DAB2: variants seen among roughly 807,000 people sequenced by gnomAD.
The protein encoded by DAB2 is disabled homolog 2.
A neutral mutation model predicts 71.6 loss-of-function variants in DAB2; 28 were observed. The observed-to-expected ratio is 0.39, with a 90% CI of 0.29 to 0.54. The LOEUF (loss-of-function observed/expected upper bound fraction) is 0.54, where lower values mean the gene tolerates loss of function less well. Ranked by LOEUF, DAB2 falls within the 20% of genes least tolerant of loss-of-function variation. The pLI, the probability that DAB2 is intolerant of heterozygous loss-of-function variation, is 0.68. For synonymous variants in DAB2, 345 were observed against 339.7 expected (o/e 1.02, Z -0.17); for missense variants, 867 against 928.8 (o/e 0.93, Z 0.86).
chr5:39,397,355 C>T (rs941749348), intron 1 of DAB2, among the ~76,000 whole-genome samples: 6 of 152,164 alleles, frequency 3.9e-5, no homozygotes. Flanking sequence ...CACCATGAGA[C>T]CCCCTCCTGC....
chr5:39,413,210 G>A (rs527307139), intron 1 of DAB2, among the ~76,000 whole-genome samples: 1 of 152,038 alleles, frequency 6.6e-6, no homozygotes, highest in African/African-American at 2.4e-5. Context: ...AACATTGCCG[G>A]TTTCTTTCAA....
At chr5:39,402,561 C>T (rs1010157128) in intron 1 of DAB2, among the ~76,000 whole-genome samples, 1 of 152,154 alleles carries the variant, frequency 6.6e-6, no homozygotes, top group African/African-American at 2.4e-5. Context: ...AGATTACAGG[C>T]ATCAGCCACC....
intron 11 of DAB2, among the ~76,000 whole-genome samples, chr5:39,378,836 C>A (rs190805961): frequency 6.6e-6 from 1 of 152,292 alleles, no homozygotes; most frequent in Non-Finnish European, 1.5e-5. Flanking sequence ...TTTTCAAATG[C>A]TATGTTAATT....
rs972589385 is a variant in DAB2 at position 39,382,960 on chromosome 5, A to G, written c.999T>C (p.Asn333=). Residue 333 remains asparagine (N), a synonymous_variant, in exon 10 of 15, where the codon AAT becomes AAC. Transcript: ENST00000320816. ...NSSSSSTPLS[N]GPLNGDVDYF... Reference sequence around the variant, plus strand: ...AGTCAACATCACCATTCAGGGGCCCATTACTCAGCGGAGTAGACGAGCTAC... The same window carrying G: ...AGTCAACATCACCATTCAGGGGCCCGTTACTCAGCGGAGTAGACGAGCTAC... The G allele has an allele frequency of 1.2e-6, 2 of 1,614,028 alleles. No individual in the cohort carries two copies. The highest frequency in any genetic ancestry group is 2.7e-5 in the African/African-American group (2 of 74,922).
chr5:39,389,106 T>A lies in DAB2; in HGVS notation c.561A>T (p.Lys187Asn), dbSNP rs770149394. Reference protein sequence around the residue: ...EEKKKIEEASKAVENGSEALM... With the variant: ...EEKKKIEEASNAVENGSEALM... ...AAAGATGCAATTTTACCTCAACTGC[T>A]TTGCTGGCTTCCTCTATCTAAAAAG... The change falls in exon 7 of 15, where the codon AAA becomes AAT. Residue 187 changes from lysine to asparagine, a missense_variant. Around this residue, in one of 2 missense-constraint regions of DAB2, gnomAD observed 740 missense variants for 734.3 expected, o/e 1.01. Coordinates refer to ENST00000320816, the MANE Select transcript of DAB2 (RefSeq NM_001343.4). The A allele has an allele frequency of 1.2e-6, 2 of 1,613,150 alleles. No individual in the cohort carries two copies. Among genetic ancestry groups the A allele is most frequent in the Non-Finnish European group, 1.7e-6 (2 of 1,179,350 alleles).
intron 11 of DAB2, among the ~76,000 whole-genome samples, chr5:39,379,727 C>G (rs549563475): frequency 8.2e-4 from 125 of 152,082 alleles, no homozygotes; most frequent in African/African-American, 2.9e-3. Context: ...CTCCCCACCC[C>G]CCCAGTTCTC....
chr5:39,394,431 G>C lies in DAB2; in HGVS notation c.-101-10C>G, dbSNP rs534685811. 2.5e-6 allele frequency: 2 copies of C among 789,226 alleles called. No homozygotes were observed. The highest frequency in any genetic ancestry group is 3.9e-5 in the Admixed American group (2 of 51,352). The allele number at this position is 789,226 out of a possible 1,614,324, so 48.9% of individuals were successfully genotyped here. On this transcript the variant is annotated splice_polypyrimidine_tract_variant and intron_variant, in intron 1 of 14. Transcript: ENST00000320816. ...AACCTCCCACAGACACCTGTAGGCAGAGTTTAGAGGCATATTGAGATCAGA... is the reference window on the plus strand; with the variant it reads ...AACCTCCCACAGACACCTGTAGGCACAGTTTAGAGGCATATTGAGATCAGA...
At chr5:39,376,215 A>ATT (rs1579897348) in intron 12 of DAB2, 109 bp from the exon 13 acceptor site, 2 of 790,418 alleles carry the variant, frequency 2.5e-6, no homozygotes, top group East Asian at 5.3e-5. Context: ...TGAAATTTAC[A>ATT]TCAGTGGAAC....
chr5:39,401,122 CT>C (rs1428659904), intron 1 of DAB2, among the ~76,000 whole-genome samples: 2 of 152,206 alleles, frequency 1.3e-5, no homozygotes, highest in Non-Finnish European at 2.9e-5. Flanking sequence ...TAGGAAGGCT[CT>C]TCTGCTCTGC....
rs537347885 is a variant in DAB2 at position 39,422,322 on chromosome 5, G to A, written c.-102+2482C>T. On this transcript the variant is annotated intron_variant, in intron 1 of 14. Coordinates refer to ENST00000320816, the MANE Select transcript of DAB2 (RefSeq NM_001343.4). This position sits in a 1 kb window ranked among gnomAD's most constrained non-coding sequence, Gnocchi z 4.1. ...AAACCTTCCTGGCCAGTAAGCTTTCGAATCTTTCCAGCTGGGGAGGTATGT... is the reference window on the plus strand; with the variant it reads ...AAACCTTCCTGGCCAGTAAGCTTTCAAATCTTTCCAGCTGGGGAGGTATGT... Among the ~76,000 whole-genome samples the A allele has an allele frequency of 3.3e-5, 5 of 152,218 alleles. No individual in the cohort carries two copies. The highest frequency in any genetic ancestry group is 4.1e-4 in the South Asian group (2 of 4,820).
At position 39,382,866 on chromosome 5, in the gene DAB2, G is replaced by T. The variant is rs1303765829; in HGVS notation, c.1093C>A (p.Pro365Thr). The T allele has an allele frequency of 6.2e-7, 1 of 1,613,988 alleles. No homozygotes were observed. Among genetic ancestry groups the T allele is most frequent in the Non-Finnish European group, 8.5e-7 (1 of 1,180,032 alleles). Residue 365 changes from proline to threonine, a missense_variant, in exon 10 of 15, where the codon CCC becomes ACC. Coordinates refer to ENST00000320816, the MANE Select transcript of DAB2 (RefSeq NM_001343.4). ...GKQEAQAGPW[P>T]FSSSQTQPAV... is the part of the protein sequence containing the mutation. ...GGCTGGGTTTGCGAACTTGAAAAGGGCCATGGGCCTGCCTGAGCTTCCTGT... is the reference window on the plus strand; with the variant it reads ...GGCTGGGTTTGCGAACTTGAAAAGGTCCATGGGCCTGCCTGAGCTTCCTGT...
At chr5:39,395,852 A>G (rs1755351890) in intron 1 of DAB2, among the ~76,000 whole-genome samples, 1 of 151,156 alleles carries the variant, frequency 6.6e-6, no homozygotes, top group Non-Finnish European at 1.5e-5. Flanking sequence ...TTTTAATTGT[A>G]TAACTTTAAA....
At chr5:39,388,652 G>T in intron 8 of DAB2, 147 bp downstream of exon 8, 1 of 679,034 alleles carries the variant, frequency 1.5e-6, no homozygotes, top group Non-Finnish European at 2.5e-6. Context: ...TATTGACATA[G>T]ATGTTACACT....
At chr5:39,384,897 G>C (rs1276392420) in intron 9 of DAB2, among the ~76,000 whole-genome samples, 1 of 151,808 alleles carries the variant, frequency 6.6e-6, no homozygotes, top group African/African-American at 2.4e-5. Context: ...TTTGATCATT[G>C]GGGAAAATAA....
rs1561367939 is a variant in DAB2 at position 39,383,284 on chromosome 5, G to A, written c.688-13C>T. On this transcript the variant is annotated splice_polypyrimidine_tract_variant and intron_variant, in intron 9 of 14. Coordinates refer to ENST00000320816, the MANE Select transcript of DAB2 (RefSeq NM_001343.4). ...TATCTTTGCTTTCCTATCACATTTG[G>A]AAAGAAAAAAAAAGAAAGTGTTAGT... 1.2e-5 allele frequency: 19 copies of A among 1,562,662 alleles called. No homozygotes were observed. In the Admixed American group the frequency reaches 1.6e-4, roughly 13 times the overall value.
At chr5:39,382,208 C>T (rs1417025703) in intron 10 of DAB2, among the ~76,000 whole-genome samples, 1 of 152,128 alleles carries the variant, frequency 6.6e-6, no homozygotes, top group Non-Finnish European at 1.5e-5. Flanking sequence ...TTTATACCAC[C>T]ACCATGGACA....
intron 6 of DAB2, 121 bp downstream of exon 6, chr5:39,389,731 C>T (rs1007415395): frequency 1.9e-5 from 11 of 590,172 alleles, no homozygotes; most frequent in Admixed American, 1.5e-4. Context: ...AGGCTGGTCT[C>T]GAACTCCTGA....
rs372727205 is a variant in DAB2, at chr5:39,389,064, CAT to C, written c.570+31_570+32del. The C allele has an allele frequency of 4.5e-5, 72 of 1,608,450 alleles. No homozygotes were observed. In the African/African-American group the frequency reaches 8.3e-4, roughly 18 times the overall value. ...AACAGGGGCTTACGCATGTCACACACATGATTAACAAGAAGTAAAGATGCAAT... is the reference window on the plus strand; with the variant it reads ...AACAGGGGCTTACGCATGTCACACACGATTAACAAGAAGTAAAGATGCAAT... On this transcript the variant is annotated intron_variant, in intron 7 of 14. Transcript: ENST00000320816.
At chr5:39,381,661 C>G in intron 10 of DAB2, 45 bp from the exon 11 acceptor site, 2 of 1,603,074 alleles carry the variant, frequency 1.2e-6, no homozygotes, top group Non-Finnish European at 1.7e-6. Flanking sequence ...TACTCACTAA[C>G]AGTGAAATAC....
Sources: allele counts gnomAD v4.1 joint callset (sites outside exome capture counted in the v4.1 genomes callset), GRCh38; gene constraint gnomAD v4.1.1; regional missense constraint gnomAD v4.1.1; non-coding constraint Gnocchi (gnomAD v3.1); transcripts MANE v1.5; gene names NCBI Gene and HGNC (gene_info 2026-07-23, HGNC 2026-07-21).